Variants in CHID1 observed in about 807,000 individuals in gnomAD.
CHID1 encodes chitinase domain containing 1.
CHID1 carries 44 observed loss-of-function variants against 55.4 expected under a neutral mutation model. The observed-to-expected ratio is 0.79, with a 90% CI of 0.62 to 1.02. The LOEUF is 1.02. Ranked by LOEUF, CHID1 falls within the 50% of genes least tolerant of loss-of-function variation. The pLI is 0.00. For missense variants in CHID1, 491 were observed against 515.3 expected, an observed-to-expected ratio of 0.95 and a Z score of 0.46; for synonymous variants, 216 against 212.9, an observed-to-expected ratio of 1.01 and a Z score of -0.13.
chr11:911,925 C>G (rs914924721), upstream of CHID1, among the ~76,000 whole-genome samples: 1 of 152,220 alleles, frequency 6.6e-6, no homozygotes, highest in Non-Finnish European at 1.5e-5. Flanking sequence ...GGGACATATG[C>G]GCAGTCCTCC....
chr11:873,477 C>T (rs1849304581), intron 10 of CHID1, among the ~76,000 whole-genome samples: 1 of 151,842 alleles, frequency 6.6e-6, no homozygotes, highest in Admixed American at 6.6e-5. Context: ...GAGTGGGGAG[C>T]GAGCGAGGGG....
At chr11:889,671 C>A (rs1565181296) in intron 8 of CHID1, among the ~76,000 whole-genome samples, 1 of 152,140 alleles carries the variant, frequency 6.6e-6, no homozygotes, top group African/African-American at 2.4e-5. Context: ...CCTATAGTTG[C>A]CACCTGCAGA....
Position 869,837 on chromosome 11 carries a change from C to T in CHID1, c.*21G>A, listed in dbSNP as rs148160696. 2.2e-3 allele frequency: 3,540 copies of T among 1,603,402 alleles called. 7 individuals carry two copies. Among genetic ancestry groups the T allele is most frequent in the Non-Finnish European group, 2.6e-3 (2,994 of 1,171,166 alleles). On this transcript the variant is annotated 3_prime_UTR_variant, in exon 13 of 13. Transcript: ENST00000323578. ...ATGGCTTAGAAAAGAACACGTCCACCGCGGAGGCCGCAATGCCCACCTAGA... is the reference window on the plus strand; with the variant it reads ...ATGGCTTAGAAAAGAACACGTCCACTGCGGAGGCCGCAATGCCCACCTAGA...
intron 10 of CHID1, chr11:882,392 G>C (rs1339486587): frequency 2.0e-5 from 3 of 152,282 alleles, no homozygotes; most frequent in African/African-American, 4.8e-5. Context: ...AATGGATCTA[G>C]TGTTTGTGGT....
chr11:869,781 G>T lies in CHID1; in HGVS notation c.*77C>A. On this transcript the variant is annotated 3_prime_UTR_variant, in exon 13 of 13. Coordinates refer to ENST00000323578, the MANE Select transcript of CHID1 (RefSeq NM_023947.4). ...GACCCGTCACAGCAAACGGAGTGGA[G>T]GCCTGTATTTCACACCTGCTCACTC... 1 of 1,283,814 alleles carries T rather than the reference G, an allele frequency of 7.8e-7. No individual in the cohort carries two copies. The highest frequency in any genetic ancestry group is 1.1e-6 in the Non-Finnish European group (1 of 882,346). The allele number at this position is 1,283,814 out of a possible 1,614,324, so 79.5% of individuals were successfully genotyped here. A position where few individuals can be genotyped will look rare whatever the true frequency, so the allele number is the denominator to read the frequency against.
intron 7 of CHID1, among the ~76,000 whole-genome samples, chr11:898,383 C>T (rs930202176): frequency 2.0e-5 from 3 of 152,208 alleles, no homozygotes; most frequent in African/African-American, 4.8e-5. Flanking sequence ...CCAGAACCCA[C>T]GGCTCACACA....
In CHID1 at chr11:869,948, C is replaced by A. The variant is rs763441480; in HGVS notation, c.1092G>T (p.Gln364His). ...GCTCCCGGGCCAGCTCCAGCCGCAC[C>A]TGCAGGGACTGGGCACAGATGGAGG... ...VVFYPTLKSL[Q>H]VRLELARELG... Residue 364 changes from glutamine to histidine, a missense_variant, in exon 13 of 13, where the codon CAG becomes CAT. Gln to His is a conservative substitution (Grantham distance 24). Transcript: ENST00000323578. The A allele has an allele frequency of 2.5e-5, 41 of 1,612,726 alleles. No individual in the cohort carries two copies. Among genetic ancestry groups the A allele is most frequent in the Non-Finnish European group, 3.5e-5 (41 of 1,179,912 alleles).
At chr11:897,844 G>T (rs1482454366) in intron 7 of CHID1, among the ~76,000 whole-genome samples, 1 of 152,158 alleles carries the variant, frequency 6.6e-6, no homozygotes, top group Non-Finnish European at 1.5e-5. Flanking sequence ...GAGGGGTGCT[G>T]GCGGAGGGTG....
chr11:906,706 T>C (rs1419942987), intron 1 of CHID1, among the ~76,000 whole-genome samples: 2 of 152,022 alleles, frequency 1.3e-5, no homozygotes, highest in Non-Finnish European at 2.9e-5. Context: ...GCAAACGACA[T>C]GCCCTTCACG....
At chr11:914,306 G>A (rs111413723), upstream of CHID1, 3,220 of 226,338 alleles carry the variant, frequency 0.014, 116 homozygotes, top group African/African-American at 0.072. Context: ...CTCCTTACCC[G>A]GGGTGGGTGT....
chr11:869,735 C>A lies in CHID1; in HGVS notation c.*123G>T, dbSNP rs1297077667. ...TGGGGAGTCACATGGTGCCCAGGAC[C>A]CCCGACTGAGGACTGCAGCAGACCC... On this transcript the variant is annotated 3_prime_UTR_variant, in exon 13 of 13. Coordinates refer to ENST00000323578, the MANE Select transcript of CHID1 (RefSeq NM_023947.4). 4.8e-6 allele frequency: 4 copies of A among 836,436 alleles called. No homozygotes were observed. The highest frequency in any genetic ancestry group is 1.5e-5 in the South Asian group (1 of 65,074). 51.8% of individuals were successfully genotyped at this position (836,436 alleles called of 1,614,324 possible). A position where few individuals can be genotyped will look rare whatever the true frequency, so the allele number is the denominator to read the frequency against.
intron 8 of CHID1, 151 bp from the exon 9 acceptor site, chr11:884,320 G>A (rs1850236827): frequency 1.6e-6 from 1 of 620,530 alleles, no homozygotes; most frequent in South Asian, 1.9e-5. Flanking sequence ...CCTGCAGCTT[G>A]GTTGGGGCCA....
rs1224101489 is a variant in CHID1 at position 904,734 on chromosome 11, T to C, written c.83A>G (p.Lys28Arg). The change falls in exon 2 of 13, where the codon AAA becomes AGA. Residue 28 changes from lysine (K) to arginine (R), a missense_variant. Lys to Arg is a conservative substitution (Grantham distance 26). Transcript: ENST00000323578. ...CTCCAGCAGCGTCTTTGAGGCGGCT[T>C]TTTTGGCATCTGACTTTGACAGGGT... The part of the protein sequence containing the change: ...HTTLSKSDAK[K>R]AASKTLLEKS... 1.1e-5 allele frequency: 17 copies of C among 1,613,990 alleles called. No individual in the cohort carries two copies. Among genetic ancestry groups the C allele is most frequent in the Non-Finnish European group, 1.4e-5 (16 of 1,180,018 alleles).
intron 1 of CHID1, 154 bp downstream of exon 1, chr11:910,621 A>G: frequency 8.0e-7 from 1 of 1,254,822 alleles, no homozygotes; most frequent in Admixed American, 2.5e-5. Context: ...CCCCTCACAC[A>G]CTTGCTCTCT....
intron 5 of CHID1, 39 bp from the exon 6 acceptor site, chr11:900,149 G>C: frequency 6.6e-7 from 1 of 1,507,710 alleles, no homozygotes; most frequent in Non-Finnish European, 9.2e-7. Context: ...CCGTGACTGG[G>C]AGATGCTGGA....
intron 10 of CHID1, among the ~76,000 whole-genome samples, chr11:881,343 A>T (rs1849902419): frequency 6.6e-6 from 1 of 152,196 alleles, no homozygotes; most frequent in Non-Finnish European, 1.5e-5. Context: ...GATTAACGGT[A>T]GGCTGGGTGG....
intron 5 of CHID1, among the ~76,000 whole-genome samples, 187 bp downstream of exon 5, chr11:900,749 A>T (rs950878603): frequency 6.6e-6 from 1 of 152,198 alleles, no homozygotes; most frequent in African/African-American, 2.4e-5. Flanking sequence ...AGGAGAGCTC[A>T]GGACTCCAGC....
At chr11:902,049 TCA>T in intron 4 of CHID1, 147 bp downstream of exon 4, 1 of 806,380 alleles carries the variant, frequency 1.2e-6, no homozygotes, top group Non-Finnish European at 2.0e-6. Flanking sequence ...ACACTCACAT[TCA>T]CACTTAAATC....
intron 10 of CHID1, among the ~76,000 whole-genome samples, chr11:871,626 C>A (rs1849181367): frequency 3.5e-5 from 1 of 28,778 alleles, no homozygotes; most frequent in Non-Finnish European, 7.8e-5. Context: ...CAGTGCCCCC[C>A]ACGTGCCTGG....
Sources: gnomAD v4.1 joint callset for allele counts (sites outside exome capture counted in the v4.1 genomes callset) on GRCh38, gnomAD v4.1.1 for gene constraint, MANE v1.5 for transcripts, NCBI Gene and HGNC (gene_info 2026-07-23, HGNC 2026-07-21) for gene names.